MAP2: variants seen among roughly 807,000 people sequenced by gnomAD.
MAP2 encodes the protein microtubule-associated protein 2.
Under a neutral mutation model 137.6 loss-of-function variants are expected in MAP2, and 14 were observed. The ratio of observed to expected loss-of-function variants is 0.10; its 90% confidence interval spans 0.07 to 0.16. The LOEUF is 0.16. MAP2 is among the 10% of genes least tolerant of loss of function. MAP2 has a pLI of 1.00. For missense variants in MAP2, 2,088 were observed against 2,191.5 expected (o/e 0.95, Z 0.94); for synonymous variants, 786 against 782.3 (o/e 1.00, Z -0.08).
At chr2:209,458,987 C>G (rs1334563325) in intron 1 of MAP2, among the ~76,000 whole-genome samples, 1 of 152,138 alleles carries the variant, frequency 6.6e-6, no homozygotes, top group Non-Finnish European at 1.5e-5. Flanking sequence ...TGTTATCTGA[C>G]AAATAATCAT....
intron 12 of MAP2, among the ~76,000 whole-genome samples, chr2:209,706,854 A>G (rs1409191995): frequency 1.3e-5 from 2 of 151,608 alleles, no homozygotes; most frequent in Non-Finnish European, 2.9e-5. Context: ...AGTGTTTATT[A>G]TAATAACAGT....
At chr2:209,527,626 A>G (rs2064278692) in intron 2 of MAP2, among the ~76,000 whole-genome samples, 1 of 152,076 alleles carries the variant, frequency 6.6e-6, no homozygotes, top group South Asian at 2.1e-4. Flanking sequence ...GTGTGACACC[A>G]TGTGTGGCTG....
At chr2:209,521,850 GTAT>G (rs760393149) in intron 2 of MAP2, among the ~76,000 whole-genome samples, 14 of 151,994 alleles carry the variant, frequency 9.2e-5, no homozygotes, top group South Asian at 2.1e-4. Context: ...AGCTCCTATG[GTAT>G]TATTTTTTCA....
intron 4 of MAP2, among the ~76,000 whole-genome samples, chr2:209,648,027 A>G (rs994532284): frequency 1.3e-5 from 2 of 152,046 alleles, no homozygotes; most frequent in Non-Finnish European, 2.9e-5. Flanking sequence ...CCTTTAATAT[A>G]TAGTATAATA....
At chr2:209,551,865 A>G (rs758304360) in intron 2 of MAP2, among the ~76,000 whole-genome samples, 1 of 152,110 alleles carries the variant, frequency 6.6e-6, no homozygotes, top group African/African-American at 2.4e-5. Context: ...TGAAGTAGGG[A>G]CTTACTAAAG....
At position 209,693,133 on chromosome 2, in the gene MAP2, C is replaced by G. The variant is rs754223651; in HGVS notation, c.963C>G (p.Ser321Arg). The G allele has an allele frequency of 6.2e-7, 1 of 1,611,638 alleles. No individual in the cohort carries two copies. Residue 321 changes from serine (S) to arginine (R), a missense_variant, in exon 8 of 16, where the codon AGC (serine) becomes AGG (arginine). Around this residue, in one of 6 missense-constraint regions of MAP2, gnomAD observed 859 missense variants for 794.5 expected, o/e 1.08. Transcript: ENST00000682079. The part of the protein sequence containing the change: ...SPMPSPFQGG[S>R]FTLPLDVMKN... ...TGCCAAGTCCCTTTCAAGGGGGAAGCTTCACTCTTCCTTTAGATGTCATGA... is the reference window on the plus strand; with the variant it reads ...TGCCAAGTCCCTTTCAAGGGGGAAGGTTCACTCTTCCTTTAGATGTCATGA...
Position 209,693,056 on chromosome 2 carries a change from G to T in MAP2, c.886G>T (p.Asp296Tyr). 1 of 1,612,900 alleles carries T rather than the reference G, an allele frequency of 6.2e-7. No individual in the cohort carries two copies. Among genetic ancestry groups the T allele is most frequent in the Non-Finnish European group, 8.5e-7 (1 of 1,179,626 alleles). Residue 296 changes from aspartate (D) to tyrosine (Y), a missense_variant, in exon 8 of 16, where the codon GAT becomes TAT. Asp to Tyr is a radical substitution (Grantham distance 160). Coordinates refer to ENST00000682079, the MANE Select transcript of MAP2 (RefSeq NM_001375505.1). ...CCCTCTGACTCCCATGAGGGAAAAA[G>T]ATGTATTTGATGATATCCCAAAATG... ...PGPLTPMREKDVFDDIPKWEG... is the reference protein window; with the variant it reads ...PGPLTPMREKYVFDDIPKWEG...
intron 2 of MAP2, among the ~76,000 whole-genome samples, chr2:209,552,815 C>T (rs867314213): frequency 6.6e-6 from 1 of 151,994 alleles, no homozygotes; most frequent in East Asian, 1.9e-4. Context: ...GAGCCAAGAT[C>T]GCGCCACTGC....
chr2:209,694,898 A>G lies in MAP2; in HGVS notation c.2728A>G (p.Thr910Ala), dbSNP rs2059805771. 6.2e-7 allele frequency: 1 copy of G among 1,614,098 alleles called. No homozygotes were observed. Among genetic ancestry groups the G allele is most frequent in the African/African-American group, 1.3e-5 (1 of 74,946 alleles). ...TDDKVRRDLA[T>A]DLSLIEVKLA... ...TGATAAAGTTCGAAGAGATTTGGCC[A>G]CAGACCTTTCACTGATTGAAGTGAA... Residue 910 changes from threonine to alanine, a missense_variant, in exon 8 of 16, where the codon ACA becomes GCA. By Grantham distance (58) the Thr-to-Ala change is moderately conservative (BLOSUM62 0). Transcript: ENST00000682079.
chr2:209,498,371 AG>A (rs1187168524), intron 1 of MAP2, among the ~76,000 whole-genome samples: 4 of 152,136 alleles, frequency 2.6e-5, no homozygotes, highest in African/African-American at 9.7e-5. Flanking sequence ...ATGCTCTCAC[AG>A]GTTGTTGAGT....
chr2:209,512,127 T>C (rs1324041263), intron 2 of MAP2, among the ~76,000 whole-genome samples: 1 of 152,112 alleles, frequency 6.6e-6, no homozygotes, highest in Non-Finnish European at 1.5e-5. Context: ...AAATAACTTA[T>C]ACTTCATTTC....
chr2:209,625,481 A>G (rs932014106), intron 4 of MAP2, among the ~76,000 whole-genome samples: 8 of 152,162 alleles, frequency 5.3e-5, no homozygotes, highest in Admixed American at 3.9e-4. Context: ...ATTTGCATAA[A>G]TCAATTCATT....
intron 1 of MAP2, among the ~76,000 whole-genome samples, chr2:209,498,344 C>T (rs2059994924): frequency 6.6e-6 from 1 of 152,234 alleles, no homozygotes; most frequent in African/African-American, 2.4e-5. Context: ...AGGGTGCATC[C>T]TCCCCATACC....
chr2:209,606,108 G>A (rs186753285), intron 3 of MAP2, among the ~76,000 whole-genome samples: 1 of 152,072 alleles, frequency 6.6e-6, no homozygotes. Flanking sequence ...TCTCCAATGT[G>A]TAAAATAATC....
chr2:209,553,085 C>G (rs1251765738), intron 2 of MAP2, among the ~76,000 whole-genome samples: 1 of 151,444 alleles, frequency 6.6e-6, no homozygotes, highest in Admixed American at 6.6e-5. Flanking sequence ...GATCTCGGCT[C>G]ACTGCAAGCT....
chr2:209,455,021 G>C (rs73069096), intron 1 of MAP2, among the ~76,000 whole-genome samples: 1 of 152,064 alleles, frequency 6.6e-6, no homozygotes, highest in Non-Finnish European at 1.5e-5. Flanking sequence ...GTGGAGAAAG[G>C]GGGAAAGCAA....
chr2:209,581,968 A>G (rs2076523308), intron 3 of MAP2, among the ~76,000 whole-genome samples: 1 of 152,250 alleles, frequency 6.6e-6, no homozygotes, highest in East Asian at 1.9e-4. Flanking sequence ...ATTAAAGCAG[A>G]ACAGAATTTG....
chr2:209,587,746 T>C (rs759201267), intron 3 of MAP2, among the ~76,000 whole-genome samples: 2 of 152,112 alleles, frequency 1.3e-5, no homozygotes, highest in Non-Finnish European at 1.5e-5. Flanking sequence ...TAAATATCTG[T>C]GGTGTCCTCA....
intron 1 of MAP2, among the ~76,000 whole-genome samples, chr2:209,450,640 G>C (rs1233215108): frequency 2.6e-5 from 4 of 152,156 alleles, no homozygotes; most frequent in Non-Finnish European, 5.9e-5. Context: ...AATGAAGATA[G>C]GGGTAATGTC....
Sources: gnomAD v4.1 joint callset for allele counts (sites outside exome capture counted in the v4.1 genomes callset) on GRCh38, gnomAD v4.1.1 for gene constraint, gnomAD v4.1.1 regional missense constraint, MANE v1.5 for transcripts, NCBI Gene and HGNC (gene_info 2026-07-23, HGNC 2026-07-21) for gene names.